Variants in GRID1 observed in about 807,000 individuals in gnomAD.
GRID1 encodes glutamate receptor ionotropic, delta-1.
Under a neutral mutation model 98.0 loss-of-function variants are expected in GRID1, and 28 were observed. That is an observed-to-expected ratio of 0.29 (90% CI 0.21 to 0.39). GRID1 has a LOEUF of 0.39. Ranked by LOEUF, GRID1 falls within the 10% of genes least tolerant of loss-of-function variation. The pLI is 1.00. For synonymous variants in GRID1, 553 were observed against 538.5 expected (o/e 1.03, Z -0.37); for missense variants, 1,111 against 1,340.5 (o/e 0.83, Z 2.67).
At chr10:85,645,270 C>T (rs1400711921) in intron 13 of GRID1, among the ~76,000 whole-genome samples, 1 of 151,892 alleles carries the variant, frequency 6.6e-6, no homozygotes, top group Admixed American at 6.6e-5. Context: ...GGAAAGGGAA[C>T]GCGAAGGCCA....
intron 2 of GRID1, among the ~76,000 whole-genome samples, chr10:86,339,609 A>G (rs1848281360): frequency 6.6e-6 from 1 of 152,242 alleles, no homozygotes; most frequent in Admixed American, 6.5e-5. Flanking sequence ...GCAGCCTCAC[A>G]GGCAGTGAGG....
At chr10:85,794,993 A>G (rs1337368586) in intron 8 of GRID1, among the ~76,000 whole-genome samples, 1 of 152,214 alleles carries the variant, frequency 6.6e-6, no homozygotes, top group African/African-American at 2.4e-5. Context: ...TTCTAACTAA[A>G]TATTTATAAA....
chr10:85,836,036 A>G (rs926879474), intron 8 of GRID1, among the ~76,000 whole-genome samples: 3 of 152,298 alleles, frequency 2.0e-5, no homozygotes, highest in Admixed American at 6.5e-5. Context: ...CAGCCAAAAT[A>G]GTTCTAATAG....
intron 2 of GRID1, among the ~76,000 whole-genome samples, chr10:86,252,992 G>A (rs1361531449): frequency 1.3e-5 from 2 of 152,196 alleles, no homozygotes; most frequent in Admixed American, 6.5e-5. Context: ...ATGACACAAA[G>A]TACTTAACTA....
intron 12 of GRID1, among the ~76,000 whole-genome samples, chr10:85,675,767 C>G (rs1841138008): frequency 6.6e-6 from 1 of 152,194 alleles, no homozygotes; most frequent in South Asian, 2.1e-4. Context: ...GACATTAACC[C>G]ACATAGACTA....
intron 4 of GRID1, among the ~76,000 whole-genome samples, chr10:86,070,040 G>C (rs1843781451): frequency 6.6e-6 from 1 of 152,274 alleles, no homozygotes; most frequent in South Asian, 2.1e-4. Context: ...CAGGAGCCTG[G>C]GTAGAGAGGT....
intron 8 of GRID1, among the ~76,000 whole-genome samples, chr10:85,729,893 T>C (rs1841804280): frequency 6.6e-6 from 1 of 152,226 alleles, no homozygotes; most frequent in Non-Finnish European, 1.5e-5. Context: ...CAAATGTTTA[T>C]GTCCAGTTTT....
In GRID1 at chr10:85,624,712, G is replaced by A. The variant is rs573564015; in HGVS notation, c.2194-4679C>T. On this transcript the variant is annotated intron_variant, in intron 13 of 15. Coordinates refer to ENST00000327946, the MANE Select transcript of GRID1 (RefSeq NM_017551.3). ...ATGTGCGTAATCCTTCATGGCTACC[G>A]GCACCACAAAATGATGCAATCCTTT... Among the ~76,000 whole-genome samples, 9 of 152,180 alleles carry A rather than the reference G, an allele frequency of 5.9e-5. No homozygotes were observed. The East Asian group carries it at 1.7e-3, about 29-fold the overall frequency.
chr10:85,893,021 C>A (rs1000421468), intron 5 of GRID1, among the ~76,000 whole-genome samples: 1 of 151,992 alleles, frequency 6.6e-6, no homozygotes, highest in East Asian at 1.9e-4. Flanking sequence ...AATTTTGAAT[C>A]CAACATTTTC....
chr10:86,161,548 C>T (rs143759953), intron 3 of GRID1, among the ~76,000 whole-genome samples: 178 of 152,224 alleles, frequency 1.2e-3, no homozygotes, highest in Non-Finnish European at 2.2e-3. Context: ...GTGCCCTAAG[C>T]CAAAAAGTAA....
chr10:86,200,069 T>C (rs563052346), intron 3 of GRID1, among the ~76,000 whole-genome samples: 30 of 150,050 alleles, frequency 2.0e-4, no homozygotes, highest in South Asian at 1.0e-3. Context: ...CTCCTCTCCA[T>C]TGCCCCCAGA....
chr10:86,351,771 A>T (rs1255212416), intron 2 of GRID1, among the ~76,000 whole-genome samples: 1 of 152,150 alleles, frequency 6.6e-6, no homozygotes, highest in Non-Finnish European at 1.5e-5. Flanking sequence ...GACCATCCCC[A>T]TCCCTCTGCA....
intron 13 of GRID1, chr10:85,644,213 A>G (rs755694762): frequency 6.6e-6 from 1 of 152,092 alleles, no homozygotes; most frequent in Non-Finnish European, 1.5e-5. Context: ...ATTAATGACA[A>G]CCTTTGCTTC....
At chr10:85,957,168 G>C (rs1842205481) in intron 4 of GRID1, among the ~76,000 whole-genome samples, 1 of 152,130 alleles carries the variant, frequency 6.6e-6, no homozygotes, top group Non-Finnish European at 1.5e-5. Flanking sequence ...CCAACACGTG[G>C]GGATTACAAT....
chr10:86,331,136 T>C (rs1848135244), intron 2 of GRID1, among the ~76,000 whole-genome samples: 1 of 152,234 alleles, frequency 6.6e-6, no homozygotes, highest in Admixed American at 6.5e-5. Flanking sequence ...GTCACCCATG[T>C]AGAGCTGCTG....
At chr10:86,167,625 C>T (rs138684728) in intron 3 of GRID1, among the ~76,000 whole-genome samples, 7 of 152,138 alleles carry the variant, frequency 4.6e-5, no homozygotes, top group Admixed American at 3.3e-4. Context: ...CTCCCCACGG[C>T]CAGGCAGGGT....
chr10:85,739,605 A>AAAAC (rs1485156088), intron 8 of GRID1, among the ~76,000 whole-genome samples: 3 of 152,098 alleles, frequency 2.0e-5, no homozygotes, highest in African/African-American at 7.2e-5. Context: ...AAAACAAAAC[A>AAAAC]AAACAAAAAT....
chr10:85,959,293 C>A (rs1029574057), intron 4 of GRID1, among the ~76,000 whole-genome samples: 5 of 152,204 alleles, frequency 3.3e-5, no homozygotes, highest in African/African-American at 9.6e-5. Context: ...CCTGTCCTGG[C>A]CAAACTGAAC....
intron 8 of GRID1, among the ~76,000 whole-genome samples, chr10:85,815,879 C>T (rs1842711748): frequency 6.6e-6 from 1 of 151,718 alleles, no homozygotes; most frequent in Admixed American, 6.6e-5. Context: ...AACAATAAAG[C>T]AAAACAACTC....
Sources: allele counts gnomAD v4.1 joint callset (sites outside exome capture counted in the v4.1 genomes callset), GRCh38; gene constraint gnomAD v4.1.1; transcripts MANE v1.5; gene names NCBI Gene and HGNC (gene_info 2026-07-23, HGNC 2026-07-21).